The following PDE12 variants were observed in gnomAD, a reference collection of about 807,000 sequenced individuals.
The protein encoded by PDE12 is 2',5'-phosphodiesterase 12.
A neutral mutation model predicts 45.4 loss-of-function variants in PDE12; 26 were observed. The observed-to-expected ratio is 0.57, with a 90% CI of 0.42 to 0.79. PDE12 has a LOEUF of 0.79. PDE12 is among the 30% of genes least tolerant of loss of function. PDE12 has a pLI of 0.00. For synonymous variants in PDE12, 283 were observed against 323.9 expected (o/e 0.87, Z 1.36); for missense variants, 668 against 790.0 (o/e 0.85, Z 1.85).
At chr3:57,559,237 A>C (rs2069700130) in intron 1 of PDE12, 73 bp from the exon 2 acceptor site, 2 of 1,302,838 alleles carry the variant, frequency 1.5e-6, no homozygotes, top group Non-Finnish European at 2.2e-6. Flanking sequence ...TCAAAAAAAC[A>C]AACAAACAAA....
chr3:57,575,737 C>CTA, the PDE12 span: 4 of 1,495,962 alleles, frequency 2.7e-6, no homozygotes, highest in South Asian at 3.9e-5. Context: ...AAATGTCTTC[C>CTA]TATATATACT....
chr3:57,571,679 T>C (rs2069844301), downstream of PDE12: 1 of 152,888 alleles, frequency 6.5e-6, no homozygotes, highest in African/African-American at 2.4e-5. Flanking sequence ...TTGGCTGATG[T>C]AGGCCAGGAG....
At chr3:57,567,534 T>C (rs914646504), downstream of PDE12, among the ~76,000 whole-genome samples, 4 of 152,284 alleles carry the variant, frequency 2.6e-5, no homozygotes, top group East Asian at 3.9e-4. Flanking sequence ...GATAAAGGGA[T>C]AGTCCTCTAA....
chr3:57,559,855 G>A lies in PDE12; in HGVS notation c.1681G>A (p.Asp561Asn). 1 of 1,614,124 alleles carries A rather than the reference G, an allele frequency of 6.2e-7. No homozygotes were observed. Among genetic ancestry groups the A allele is most frequent in the Non-Finnish European group, 8.5e-7 (1 of 1,180,018 alleles). The part of the protein sequence containing the change: ...NYVGGFHGCL[D>N]YIFIDLNALE... ...TGTTGGTGGCTTTCATGGATGTCTA[G>A]ATTACATTTTCATTGACTTAAATGC... The change falls in exon 3 of 3, where the codon GAT becomes AAT. Residue 561 changes from aspartate to asparagine, a missense_variant. Asp to Asn is a conservative substitution (Grantham distance 23, BLOSUM62 1). This residue lies in a region of PDE12 where 79 missense variants were observed against 97.9 expected (regional missense o/e 0.81). Transcript: ENST00000311180.
the PDE12 span, among the ~76,000 whole-genome samples, chr3:57,614,534 T>G: frequency 0.01 from 1,276 of 126,992 alleles, 35 homozygotes; most frequent in African/African-American, 0.038. Context: ...TTTTTTTTTT[T>G]TTGTTTTTTG....
At chr3:57,630,866 T>C in the PDE12 span, 1 of 1,611,116 alleles carries the variant, frequency 6.2e-7, no homozygotes, top group Non-Finnish European at 8.5e-7. Flanking sequence ...TAGGAGTGGA[T>C]ATGTTCACAG....
At chr3:57,605,660 C>T in the PDE12 span, among the ~76,000 whole-genome samples, 2 of 152,060 alleles carry the variant, frequency 1.3e-5, no homozygotes, top group Non-Finnish European at 2.9e-5. Flanking sequence ...CAATATCAAA[C>T]AAGGTAAAAT....
At chr3:57,581,915 A>G in the PDE12 span, among the ~76,000 whole-genome samples, 3 of 152,218 alleles carry the variant, frequency 2.0e-5, no homozygotes, top group Non-Finnish European at 4.4e-5. Flanking sequence ...TTATTATGCT[A>G]TTCTATTTGT....
rs1242641042 is a variant in PDE12 at position 57,563,411 on chromosome 3, TTACATAGGTA to T, written c.*3413_*3422del. ...TACATGTGCCCAACGTGCAGATTTG[TTACATAGGTA>T]TACATGTGCCATGTTGGTTTGCTGC... On this transcript the variant is annotated 3_prime_UTR_variant, in exon 3 of 3. Transcript: ENST00000311180. 1 of 152,196 alleles carries T rather than the reference TTACATAGGTA, an allele frequency of 6.6e-6. No individual in the cohort carries two copies. The highest frequency in any genetic ancestry group is 2.4e-5 in the African/African-American group (1 of 41,442). The allele number at this position is 152,196 out of a possible 1,614,324, so 9.4% of individuals were successfully genotyped here.
At chr3:57,568,197 C>T (rs956627544), downstream of PDE12, among the ~76,000 whole-genome samples, 7 of 151,842 alleles carry the variant, frequency 4.6e-5, no homozygotes, top group Admixed American at 4.6e-4. Flanking sequence ...GGCAGAGTGG[C>T]TCATACCTGT....
the PDE12 span, among the ~76,000 whole-genome samples, chr3:57,593,978 G>A: frequency 6.6e-6 from 1 of 152,196 alleles, no homozygotes; most frequent in African/African-American, 2.4e-5. Flanking sequence ...GAAGCTGGCT[G>A]GGTGTGATGG....
the PDE12 span, among the ~76,000 whole-genome samples, chr3:57,651,731 G>C: frequency 1.3e-5 from 2 of 150,840 alleles, no homozygotes; most frequent in Non-Finnish European, 3.0e-5. Flanking sequence ...ACACCAGAAA[G>C]CAAGACAGTG....
chr3:57,567,725 A>AT (rs1351879787), downstream of PDE12, among the ~76,000 whole-genome samples: 1 of 152,144 alleles, frequency 6.6e-6, no homozygotes, highest in African/African-American at 2.4e-5. Flanking sequence ...CTGGTAACCA[A>AT]TATTTACATT....
At chr3:57,612,971 T>C in the PDE12 span, among the ~76,000 whole-genome samples, 7 of 151,966 alleles carry the variant, frequency 4.6e-5, no homozygotes, top group African/African-American at 1.7e-4. Flanking sequence ...AACTATACGC[T>C]ACATACAAAA....
chr3:57,557,869 C>G (rs912883810), intron 1 of PDE12, among the ~76,000 whole-genome samples, 182 bp downstream of exon 1: 6 of 152,162 alleles, frequency 3.9e-5, no homozygotes, highest in Admixed American at 3.9e-4. Context: ...TTTTTGAACA[C>G]CTCTGGTGTG....
chr3:57,644,376 G>A, the PDE12 span, among the ~76,000 whole-genome samples: 1 of 151,886 alleles, frequency 6.6e-6, no homozygotes, highest in Non-Finnish European at 1.5e-5. Flanking sequence ...CACGATCTGA[G>A]TTCACTGCAA....
chr3:57,640,281 C>CA, the PDE12 span, among the ~76,000 whole-genome samples: 45 of 118,904 alleles, frequency 3.8e-4, 1 homozygote, highest in South Asian at 7.7e-4. Flanking sequence ...AAAAAAAAAA[C>CA]AAAAAAAAAC....
chr3:57,612,603 T>A, the PDE12 span, among the ~76,000 whole-genome samples: 1 of 151,954 alleles, frequency 6.6e-6, no homozygotes, highest in African/African-American at 2.4e-5. Flanking sequence ...AAACCCCGTG[T>A]CTACTAAAAA....
chr3:57,558,157 T>C (rs1241620602), intron 1 of PDE12, among the ~76,000 whole-genome samples: 1 of 152,060 alleles, frequency 6.6e-6, no homozygotes, highest in East Asian at 1.9e-4. Flanking sequence ...GTCATTCTTG[T>C]GTTAAAGTTT....
Sources: allele counts gnomAD v4.1 joint callset (sites outside exome capture counted in the v4.1 genomes callset), GRCh38; gene constraint gnomAD v4.1.1; regional missense constraint gnomAD v4.1.1; transcripts MANE v1.5; gene names NCBI Gene and HGNC (gene_info 2026-07-23, HGNC 2026-07-21).